The following ZNF883 variants were observed in gnomAD, a reference collection of about 807,000 sequenced individuals.
ZNF883 encodes the protein zinc finger protein 883.
chr9:113,003,316 G>A (rs912488345), intron 2 of ZNF883, among the ~76,000 whole-genome samples: 6 of 151,990 alleles, frequency 3.9e-5, no homozygotes, highest in South Asian at 4.1e-4. Context: ...CTCTTCCTTC[G>A]TCTTCTGCCA....
intron 1 of ZNF883, among the ~76,000 whole-genome samples, chr9:112,990,210 G>T (rs559441743): frequency 6.6e-6 from 1 of 152,196 alleles, no homozygotes; most frequent in Non-Finnish European, 1.5e-5. Flanking sequence ...CAAGGGGAAA[G>T]ATTCCAGGTT....
intron 2 of ZNF883, among the ~76,000 whole-genome samples, chr9:113,010,497 G>A (rs1828522752): frequency 1.3e-5 from 2 of 152,200 alleles, no homozygotes; most frequent in South Asian, 2.1e-4. Context: ...GTGCATACAC[G>A]TTATGAACTA....
At chr9:113,010,486 T>C (rs1237763057) in intron 2 of ZNF883, among the ~76,000 whole-genome samples, 1 of 152,240 alleles carries the variant, frequency 6.6e-6, no homozygotes, top group Non-Finnish European at 1.5e-5. Flanking sequence ...ACACATTACA[T>C]GTGCATACAC....
upstream of ZNF883, among the ~76,000 whole-genome samples, chr9:113,003,209 G>C (rs1828443012): frequency 6.6e-6 from 1 of 152,148 alleles, no homozygotes; most frequent in African/African-American, 2.4e-5. Flanking sequence ...TCTCATGGTA[G>C]TGAATAACTC....
At chr9:113,001,607 C>T (rs1451038687), upstream of ZNF883, among the ~76,000 whole-genome samples, 3 of 152,110 alleles carry the variant, frequency 2.0e-5, no homozygotes, top group Non-Finnish European at 2.9e-5. Flanking sequence ...ACTAGCACCA[C>T]CATAATGGAT....
intron 2 of ZNF883, among the ~76,000 whole-genome samples, chr9:113,003,480 T>G (rs1054444053): frequency 1.3e-5 from 2 of 152,136 alleles, no homozygotes; most frequent in Non-Finnish European, 2.9e-5. Context: ...GCAGTTTATG[T>G]AGTCCTTTTC....
At chr9:113,008,958 A>G (rs1290895081) in intron 2 of ZNF883, among the ~76,000 whole-genome samples, 2 of 152,032 alleles carry the variant, frequency 1.3e-5, no homozygotes, top group African/African-American at 4.8e-5. Context: ...GGGGAGAGGA[A>G]TTGGAAGTTT....
downstream of ZNF883, among the ~76,000 whole-genome samples, chr9:112,994,886 C>T (rs1828334948): frequency 6.6e-6 from 1 of 151,570 alleles, no homozygotes; most frequent in Admixed American, 6.6e-5. Context: ...ATTGGATTAC[C>T]TGGGATCTTT....
At chr9:112,993,734 C>G (rs951911190), downstream of ZNF883, among the ~76,000 whole-genome samples, 2 of 152,204 alleles carry the variant, frequency 1.3e-5, no homozygotes, top group Non-Finnish European at 2.9e-5. Context: ...AGTTCTGTTT[C>G]TAAACTCCTG....
intron 1 of ZNF883, among the ~76,000 whole-genome samples, chr9:112,988,894 G>GTT (rs141973210): frequency 2.0e-4 from 30 of 151,160 alleles, no homozygotes; most frequent in East Asian, 9.8e-4. Flanking sequence ...AGTGATGTTG[G>GTT]TTTTTTTTTC....
intron 2 of ZNF883, among the ~76,000 whole-genome samples, chr9:113,007,023 G>A (rs537699913): frequency 2.6e-4 from 40 of 152,244 alleles, no homozygotes; most frequent in Admixed American, 7.2e-4. Flanking sequence ...GTGAAACCCC[G>A]TCTCTACTAA....
chr9:112,995,318 G>C (rs562590301), downstream of ZNF883, among the ~76,000 whole-genome samples: 3 of 152,196 alleles, frequency 2.0e-5, no homozygotes, highest in South Asian at 6.2e-4. Flanking sequence ...CCCTTCAGAA[G>C]ACTCAGGCCC....
At chr9:112,994,829 GAC>G (rs1828333802), downstream of ZNF883, among the ~76,000 whole-genome samples, 1 of 151,672 alleles carries the variant, frequency 6.6e-6, no homozygotes, top group South Asian at 2.1e-4. Flanking sequence ...TTCAAATTAT[GAC>G]AGTTTTTCTC....
At chr9:113,001,189 C>CT (rs140608367), upstream of ZNF883, among the ~76,000 whole-genome samples, 8,882 of 152,110 alleles carry the variant, frequency 0.058, 355 homozygotes, top group East Asian at 0.091. Flanking sequence ...AGGATATTAG[C>CT]TACAAGTCTG....
chr9:113,000,831 A>G (rs751164020), upstream of ZNF883, among the ~76,000 whole-genome samples: 2 of 152,142 alleles, frequency 1.3e-5, no homozygotes, highest in Non-Finnish European at 2.9e-5. Context: ...TAAGTGAAAC[A>G]CTTAAGTTGA....
downstream of ZNF883, among the ~76,000 whole-genome samples, chr9:112,996,453 T>C (rs1232714574): frequency 6.6e-6 from 1 of 152,158 alleles, no homozygotes; most frequent in East Asian, 1.9e-4. Context: ...GGATTATATA[T>C]AGAGTGAACA....
At chr9:113,007,813 T>A (rs1480816416) in intron 2 of ZNF883, among the ~76,000 whole-genome samples, 1 of 152,216 alleles carries the variant, frequency 6.6e-6, no homozygotes, top group Admixed American at 6.5e-5. Context: ...CTGACTTGCC[T>A]AAGGTCACCC....
At chr9:112,996,994 A>T, downstream of ZNF883, 1 of 840,740 alleles carries the variant, frequency 1.2e-6, no homozygotes, top group Non-Finnish European at 1.8e-6. Flanking sequence ...CAGTACAAAT[A>T]GCATATTAAG....
At chr9:112,993,432 AT>A (rs1828320859), downstream of ZNF883, among the ~76,000 whole-genome samples, 2 of 152,064 alleles carry the variant, frequency 1.3e-5, no homozygotes, top group South Asian at 4.1e-4. Context: ...TTCCTCTGGG[AT>A]TTCTGTCTCA....
Sources: allele counts gnomAD v4.1 joint callset (sites outside exome capture counted in the v4.1 genomes callset), GRCh38; gene constraint gnomAD v4.1.1; transcripts MANE v1.5; gene names NCBI Gene and HGNC (gene_info 2026-07-23, HGNC 2026-07-21).